Variants in ZNF723 observed in about 807,000 individuals in gnomAD.
ZNF723 encodes zinc finger protein 723, pseudogene.
A neutral mutation model predicts 9.4 loss-of-function variants in ZNF723; 5 were observed. The observed-to-expected ratio is 0.53, with a 90% CI of 0.28 to 1.12. ZNF723 has a LOEUF of 1.12. ZNF723 is among the 50% of genes most tolerant of loss of function. The probability of loss-of-function intolerance (pLI) is 0.10; values close to 1 mark genes in which losing one functional copy is unlikely to be tolerated. For missense variants in ZNF723, 450 were observed against 501.5 expected, an observed-to-expected ratio of 0.90 and a Z score of 0.98; for synonymous variants, 158 against 168.8, an observed-to-expected ratio of 0.94 and a Z score of 0.49.
the ZNF723 span, among the ~76,000 whole-genome samples, chr19:22,813,493 C>G: frequency 9.7e-3 from 1,474 of 152,220 alleles, 21 homozygotes; most frequent in African/African-American, 0.033. Flanking sequence ...GCAATGCCTA[C>G]AGGGGACACT....
At chr19:22,838,862 C>T (rs747992657) in intron 1 of ZNF723, among the ~76,000 whole-genome samples, 21 of 152,122 alleles carry the variant, frequency 1.4e-4, no homozygotes, top group Admixed American at 5.2e-4. Context: ...ATTCTCTTGC[C>T]TCAGCCTCCT....
At chr19:22,830,492 C>T (rs1967082256), upstream of ZNF723, among the ~76,000 whole-genome samples, 1 of 150,778 alleles carries the variant, frequency 6.6e-6, no homozygotes, top group Admixed American at 6.6e-5. Context: ...GGACTATTCT[C>T]AATAATAAAG....
intron 1 of ZNF723, among the ~76,000 whole-genome samples, chr19:22,833,264 T>C (rs1364539594): frequency 6.6e-6 from 1 of 152,160 alleles, no homozygotes; most frequent in African/African-American, 2.4e-5. Context: ...GCGATTCTCC[T>C]GTCTCAGCTT....
At chr19:22,839,042 C>T (rs62123860) in intron 1 of ZNF723, among the ~76,000 whole-genome samples, 21,568 of 152,072 alleles carry the variant, frequency 0.14, 1,510 homozygotes, top group East Asian at 0.18. Context: ...CCACCACGCC[C>T]GGCCTTCTAG....
At position 22,858,244 on chromosome 19, in the gene ZNF723, A is replaced by G. The variant is rs959848779; in HGVS notation, c.1353A>G (p.Lys451=). 6.7e-6 allele frequency: 9 copies of G among 1,348,016 alleles called. No individual in the cohort carries two copies. Among genetic ancestry groups the G allele is most frequent in the Non-Finnish European group, 9.6e-6 (9 of 940,542 alleles). 83.5% of individuals were successfully genotyped at this position (1,348,016 alleles called of 1,614,324 possible). ...ATAAGATAATTCATACTAAAGAGAAACCCTACAAATGTGAAGAATGTGGCA... is the reference window on the plus strand; with the variant it reads ...ATAAGATAATTCATACTAAAGAGAAGCCCTACAAATGTGAAGAATGTGGCA... ...TKHKIIHTKE[K]PYKCEECGKA... The change falls in exon 4 of 4, where the codon AAA becomes AAG. Residue 451 remains lysine, a synonymous_variant. Coordinates refer to ENST00000600766, the MANE Select transcript of ZNF723 (RefSeq NM_001349726.2).
At chr19:22,832,158 T>A (rs1365549750), upstream of ZNF723, among the ~76,000 whole-genome samples, 1 of 152,166 alleles carries the variant, frequency 6.6e-6, no homozygotes, top group Non-Finnish European at 1.5e-5. Flanking sequence ...CAGCATCTGA[T>A]CACATCTTCT....
chr19:22,832,356 C>T lies in ZNF723; in HGVS notation c.-24C>T. ...CATTGGGAGATCCACAGCTAAGACGCCAGGACTCCCTGGAAGCCTAGAAAT... is the reference window on the plus strand; with the variant it reads ...CATTGGGAGATCCACAGCTAAGACGTCAGGACTCCCTGGAAGCCTAGAAAT... On this transcript the variant is annotated 5_prime_UTR_variant, in exon 1 of 4. Coordinates refer to ENST00000600766, the MANE Select transcript of ZNF723 (RefSeq NM_001349726.2). 1 of 1,379,598 alleles carries T rather than the reference C, an allele frequency of 7.2e-7. No individual in the cohort carries two copies. The highest frequency in any genetic ancestry group is 1.0e-6 in the Non-Finnish European group (1 of 985,074). The allele number at this position is 1,379,598 out of a possible 1,614,324, so 85.5% of individuals were successfully genotyped here. A position where few individuals can be genotyped will look rare whatever the true frequency, so the allele number is the denominator to read the frequency against.
At chr19:22,846,864 G>T (rs1967318279) in intron 1 of ZNF723, among the ~76,000 whole-genome samples, 1 of 82,636 alleles carries the variant, frequency 1.2e-5, no homozygotes, top group South Asian at 4.3e-4. Flanking sequence ...TGCTCTTGAT[G>T]CCGTGCTGGG....
At chr19:22,822,098 G>A in the ZNF723 span, among the ~76,000 whole-genome samples, 2 of 152,114 alleles carry the variant, frequency 1.3e-5, no homozygotes, top group Non-Finnish European at 1.5e-5. Flanking sequence ...TGACAAGAGC[G>A]AGACTCCATC....
the ZNF723 span, among the ~76,000 whole-genome samples, chr19:22,815,548 G>A: frequency 1.1e-3 from 175 of 152,224 alleles, no homozygotes; most frequent in South Asian, 1.5e-3. Flanking sequence ...GGAAGATTTT[G>A]ACATACCCTT....
At chr19:22,830,642 A>G (rs572516315), upstream of ZNF723, among the ~76,000 whole-genome samples, 1 of 152,356 alleles carries the variant, frequency 6.6e-6, no homozygotes, top group Non-Finnish European at 1.5e-5. Flanking sequence ...TCTGAGTTTC[A>G]GCCCAGCCAC....
At chr19:22,828,456 C>A (rs552716961), upstream of ZNF723, among the ~76,000 whole-genome samples, 382 of 152,166 alleles carry the variant, frequency 2.5e-3, 1 homozygote, top group African/African-American at 8.8e-3. Context: ...AGATGGAGAC[C>A]ATCATGGCCA....
At chr19:22,852,124 C>G (rs1241072873) in intron 3 of ZNF723, among the ~76,000 whole-genome samples, 1 of 152,016 alleles carries the variant, frequency 6.6e-6, no homozygotes, top group Non-Finnish European at 1.5e-5. Context: ...TGGTAAAGTT[C>G]TCAGTTTTTG....
At chr19:22,854,524 AAACTT>A (rs1400513501) in intron 3 of ZNF723, among the ~76,000 whole-genome samples, 4 of 142,806 alleles carry the variant, frequency 2.8e-5, no homozygotes, top group South Asian at 2.1e-4. Context: ...TCTGAAACAA[AAACTT>A]AATAATGTTT....
upstream of ZNF723, among the ~76,000 whole-genome samples, chr19:22,830,505 T>C (rs1967082392): frequency 6.9e-6 from 1 of 145,146 alleles, no homozygotes; most frequent in African/African-American, 2.7e-5. Flanking sequence ...TAATAAAGAG[T>C]ACTACACAGG....
At chr19:22,836,321 T>C (rs1431306908) in intron 1 of ZNF723, among the ~76,000 whole-genome samples, 1 of 152,166 alleles carries the variant, frequency 6.6e-6, no homozygotes, top group Non-Finnish European at 1.5e-5. Flanking sequence ...GAAGATAAAG[T>C]TATTCTTGCT....
chr19:22,839,577 G>A (rs538019624), intron 1 of ZNF723, among the ~76,000 whole-genome samples: 109 of 150,888 alleles, frequency 7.2e-4, no homozygotes, highest in African/African-American at 2.4e-3. Context: ...AGGTTCAAGC[G>A]ATTCTCATGT....
intron 1 of ZNF723, among the ~76,000 whole-genome samples, chr19:22,837,336 T>A (rs1308551177): frequency 1.4e-5 from 2 of 145,610 alleles, no homozygotes; most frequent in East Asian, 2.0e-4. Context: ...AAGGAAGAAA[T>A]GTAGATGGGC....
chr19:22,818,448 G>C, the ZNF723 span, among the ~76,000 whole-genome samples: 2 of 152,166 alleles, frequency 1.3e-5, no homozygotes, highest in Admixed American at 6.5e-5. Context: ...GACCAAGATA[G>C]ACACACCTTA....
Sources: allele counts gnomAD v4.1 joint callset (sites outside exome capture counted in the v4.1 genomes callset), GRCh38; gene constraint gnomAD v4.1.1; transcripts MANE v1.5; gene names NCBI Gene and HGNC (gene_info 2026-07-23, HGNC 2026-07-21).